The following PRDM16 variants were observed in gnomAD, a reference collection of about 807,000 sequenced individuals.
The protein encoded by PRDM16 is PR/SET domain 16.
Under a neutral mutation model 110.6 loss-of-function variants are expected in PRDM16, and 23 were observed. The ratio of observed to expected loss-of-function variants is 0.21; its 90% CI spans 0.15 to 0.29. The LOEUF (loss-of-function observed/expected upper bound fraction) is 0.29. PRDM16 is among the 10% of genes least tolerant of loss of function. The pLI, the probability that PRDM16 is intolerant of heterozygous loss-of-function variation, is 1.00. For missense variants in PRDM16, 1,615 were observed against 1,794.3 expected, an observed-to-expected ratio of 0.90 and a Z score of 1.81; for synonymous variants, 799 against 781.8, an observed-to-expected ratio of 1.02 and a Z score of -0.37.
chr1:3,195,718 G>A (rs1409325587), intron 2 of PRDM16, among the ~76,000 whole-genome samples: 1 of 152,202 alleles, frequency 6.6e-6, no homozygotes, highest in Non-Finnish European at 1.5e-5. Flanking sequence ...GAAGCAGGAG[G>A]GAGAAGGGCT....
At chr1:3,280,634 C>T (rs1238437530) in intron 3 of PRDM16, among the ~76,000 whole-genome samples, 3 of 152,202 alleles carry the variant, frequency 2.0e-5, no homozygotes, top group Non-Finnish European at 2.9e-5. Context: ...AGGTCTGTGG[C>T]GTTAAGGTCA....
intron 3 of PRDM16, among the ~76,000 whole-genome samples, chr1:3,333,769 C>T (rs2100493935): frequency 6.6e-6 from 1 of 152,220 alleles, no homozygotes; most frequent in Non-Finnish European, 1.5e-5. Context: ...GGCTCCATCC[C>T]CTTGGTGATG....
chr1:3,098,828 A>G (rs1430730174), intron 1 of PRDM16, among the ~76,000 whole-genome samples: 2 of 152,078 alleles, frequency 1.3e-5, no homozygotes, highest in East Asian at 3.9e-4. Flanking sequence ...TGGGCGCTGC[A>G]TACCCACTGT....
chr1:3,210,494 G>T (rs553186297), intron 2 of PRDM16, among the ~76,000 whole-genome samples: 159 of 152,332 alleles, frequency 1.0e-3, no homozygotes, highest in Admixed American at 2.2e-3. Flanking sequence ...GCGTGCACGC[G>T]TGTGTCTGTG....
chr1:3,294,636 C>T (rs913457364), intron 3 of PRDM16, among the ~76,000 whole-genome samples: 1 of 152,174 alleles, frequency 6.6e-6, no homozygotes, highest in Non-Finnish European at 1.5e-5. Flanking sequence ...GGATCCCGTG[C>T]TGCCTCCCCT....
chr1:3,253,351 TCC>T (rs35867328), intron 3 of PRDM16, among the ~76,000 whole-genome samples: 1 of 74,572 alleles, frequency 1.3e-5, no homozygotes, highest in African/African-American at 5.6e-5. Context: ...ATGCTATCCC[TCC>T]CCCCCTCCCC....
chr1:3,186,269 C>T lies in PRDM16; in HGVS notation c.182C>T (p.Thr61Ile). The T allele has an allele frequency of 1.2e-6, 2 of 1,611,966 alleles. No homozygotes were observed. The highest frequency in any genetic ancestry group is 2.2e-5 in the South Asian group (2 of 90,984). Residue 61 changes from threonine to isoleucine, a missense_variant, in exon 2 of 17, where the codon ACC (threonine) becomes ATC (isoleucine). Thr to Ile is a moderately conservative substitution (Grantham distance 89, BLOSUM62 -1). Around this residue, in one of 5 missense-constraint regions of PRDM16, gnomAD observed 416 missense variants for 467.1 expected, o/e 0.89. Transcript: ENST00000270722. Reference protein sequence around the residue: ...PSPFPTSEDFTPKEGSPYEAP... With the variant: ...PSPFPTSEDFIPKEGSPYEAP... The stretch of plus-strand genomic sequence containing the variant: ...CCCTTCCCCACCAGCGAGGACTTCA[C>T]CCCCAAGGAGGGCTCGCCGTACGAG...
chr1:3,427,103 C>T (rs116737123), intron 14 of PRDM16, among the ~76,000 whole-genome samples: 76 of 152,372 alleles, frequency 5.0e-4, no homozygotes, highest in Non-Finnish European at 7.5e-4. Context: ...CATGGGCGCA[C>T]GTGCGTCTAG....
At chr1:3,272,446 TG>T (rs1295500443) in intron 3 of PRDM16, among the ~76,000 whole-genome samples, 1 of 152,138 alleles carries the variant, frequency 6.6e-6, no homozygotes, top group Non-Finnish European at 1.5e-5. Context: ...GACTCTGTCC[TG>T]GGCACGGCGG....
chr1:3,210,140 G>T (rs1006778474), intron 2 of PRDM16, among the ~76,000 whole-genome samples: 1 of 152,204 alleles, frequency 6.6e-6, no homozygotes, highest in African/African-American at 2.4e-5. Context: ...AAACCAGCTC[G>T]CTATGTGCCG....
chr1:3,139,307 C>T (rs929500489), intron 1 of PRDM16, among the ~76,000 whole-genome samples: 2 of 152,304 alleles, frequency 1.3e-5, no homozygotes, highest in African/African-American at 2.4e-5. Context: ...GGAGCCGAGC[C>T]GTGCAGATGA....
intron 1 of PRDM16, among the ~76,000 whole-genome samples, chr1:3,150,709 T>G (rs1449578982): frequency 6.6e-6 from 1 of 151,996 alleles, no homozygotes; most frequent in Non-Finnish European, 1.5e-5. Context: ...ATCTGGTCAT[T>G]TAGACTCGAG....
At chr1:3,104,753 C>A (rs61048472) in intron 1 of PRDM16, among the ~76,000 whole-genome samples, 1,526 of 152,210 alleles carry the variant, frequency 0.01, 23 homozygotes, top group African/African-American at 0.034. Context: ...TCACCTGGCC[C>A]TCGCTGTGCA....
intron 2 of PRDM16, among the ~76,000 whole-genome samples, chr1:3,240,054 A>AG (rs1171874187): frequency 0.011 from 891 of 81,364 alleles, 14 homozygotes; most frequent in African/African-American, 0.053. Flanking sequence ...AGAGGAGAGG[A>AG]GAAGAGGAGA....
At chr1:3,321,742 C>T (rs187929838) in intron 3 of PRDM16, among the ~76,000 whole-genome samples, 338 of 147,332 alleles carry the variant, frequency 2.3e-3, no homozygotes, top group African/African-American at 4.3e-3. Context: ...TACATGTGTG[C>T]GGTGTGCACA....
chr1:3,079,778 T>C (rs2742688), intron 1 of PRDM16, among the ~76,000 whole-genome samples: 7,770 of 152,276 alleles, frequency 0.051, 289 homozygotes, highest in Non-Finnish European at 0.08. Context: ...GACGTGTGTG[T>C]GCTCTGTGTC....
chr1:3,187,260 G>C (rs1247973592), intron 2 of PRDM16, among the ~76,000 whole-genome samples: 1 of 152,180 alleles, frequency 6.6e-6, no homozygotes, highest in African/African-American at 2.4e-5. Context: ...TGGCCCTTCT[G>C]CCGGCCTCAC....
At position 3,382,696 on chromosome 1, in the gene PRDM16, A is replaced by G. The variant is rs1257497465; in HGVS notation, c.439-2456A>G. Among the ~76,000 whole-genome samples, 2 of 152,170 alleles carry G rather than the reference A, an allele frequency of 1.3e-5. No individual in the cohort carries two copies. Among genetic ancestry groups the G allele is most frequent in the African/African-American group, 4.8e-5 (2 of 41,438 alleles). ...TCCCTGGGCTGAGGGGGATGCACTC[A>G]GGAGCACGTACTCCTGGCTGCACCA... On this transcript the variant is annotated intron_variant, in intron 3 of 16. Coordinates refer to ENST00000270722, the MANE Select transcript of PRDM16 (RefSeq NM_022114.4). The surrounding 1 kb of genome is among the most constrained non-coding windows in gnomAD (Gnocchi z 6.6).
At chr1:3,324,259 G>A (rs1245320274) in intron 3 of PRDM16, among the ~76,000 whole-genome samples, 2 of 152,078 alleles carry the variant, frequency 1.3e-5, no homozygotes, top group African/African-American at 4.8e-5. Flanking sequence ...CCCCAAGGAG[G>A]GGGCTCCGCC....
Sources: allele counts gnomAD v4.1 joint callset (sites outside exome capture counted in the v4.1 genomes callset), GRCh38; gene constraint gnomAD v4.1.1; regional missense constraint gnomAD v4.1.1; non-coding constraint Gnocchi (gnomAD v3.1); transcripts MANE v1.5; gene names NCBI Gene and HGNC (gene_info 2026-07-23, HGNC 2026-07-21).